The following TENM1 variants were observed in gnomAD, a reference collection of about 807,000 sequenced individuals.
TENM1 encodes teneurin transmembrane protein 1, also known as teneurin-1.
In TENM1, 35 loss-of-function variants were observed where a neutral mutation model predicts 174.8. The observed-to-expected ratio is 0.20, with a 90% CI of 0.15 to 0.27. The LOEUF is 0.27. TENM1 is among the 10% of genes least tolerant of loss of function. The pLI is 1.00. For synonymous variants in TENM1, 781 were observed against 798.7 expected (o/e 0.98, Z 0.37); for missense variants, 1,633 against 2,130.1 (o/e 0.77, Z 4.59).
intron 1 of TENM1, among the ~76,000 whole-genome samples, chrX:124,941,647 G>A (rs1324974435): frequency 1.8e-5 from 2 of 111,478 alleles, no homozygotes; most frequent in Admixed American, 9.5e-5. Flanking sequence ...GTGAAGTCAC[G>A]TTCAAAAGAG....
chrX:124,494,244 T>C lies in TENM1; in HGVS notation c.3695+2772A>G, dbSNP rs188257983. On this transcript the variant is annotated intron_variant, in intron 20 of 31. Coordinates refer to ENST00000422452, the Ensembl canonical transcript of TENM1. ...TGCTCTGTCAATGTCTATGCTCTTC[T>C]AGTCACTATATTTGATCACTATTTG... 2.2e-3 allele frequency among the ~76,000 whole-genome samples: 251 copies of C among 112,089 alleles called. 1 individual carries two copies. The highest frequency in any genetic ancestry group is 9.2e-3 in the Middle Eastern group (2 of 217).
intron 24 of TENM1, 91 bp downstream of exon 27, chrX:124,422,181 T>C: frequency 9.3e-7 from 1 of 1,080,850 alleles, no homozygotes; most frequent in Non-Finnish European, 1.2e-6. Context: ...AAGTAACACT[T>C]TGCTTTTCCT....
At chrX:125,200,650 T>TGAGAGA in the TENM1 span, among the ~76,000 whole-genome samples, 115 of 53,904 alleles carry the variant, frequency 2.1e-3, no homozygotes, top group East Asian at 4.2e-3. Flanking sequence ...TGTGTGTGTG[T>TGAGAGA]GTGTGAGAGA....
intron 22 of TENM1, among the ~76,000 whole-genome samples, chrX:124,457,215 C>T (rs919877199): frequency 8.9e-6 from 1 of 111,819 alleles, no homozygotes; most frequent in African/African-American, 3.2e-5. Context: ...GCTTGGAGCA[C>T]ATTTTTACAT....
intron 11 of TENM1, among the ~76,000 whole-genome samples, chrX:124,619,746 A>G (rs1012448137): frequency 8.9e-6 from 1 of 112,009 alleles, no homozygotes; most frequent in Non-Finnish European, 1.9e-5. Flanking sequence ...TTAAATTTTT[A>G]TTTCCCCGAT....
chrX:124,561,583 C>A, intron 14 of TENM1, 88 bp downstream of exon 17: 1 of 1,075,107 alleles, frequency 9.3e-7, no homozygotes, highest in Non-Finnish European at 1.3e-6. Context: ...CTAGAGATTC[C>A]TAATTTTCAC....
chrX:124,756,971 C>T (rs1280186399), intron 3 of TENM1, among the ~76,000 whole-genome samples: 1 of 112,182 alleles, frequency 8.9e-6, no homozygotes. Context: ...GGCAGTCTGC[C>T]CGTTCTCAGA....
At position 124,751,761 on chromosome X, in the gene TENM1, G is replaced by A. The variant is rs908742885; in HGVS notation, c.536-14564C>T. Among the ~76,000 whole-genome samples, 39 of 104,906 alleles carry A rather than the reference G, an allele frequency of 3.7e-4. 1 individual carries two copies. The highest frequency in any genetic ancestry group is 1.1e-3 in the African/African-American group (33 of 28,878). The allele number at this position is 104,906 out of a possible 115,157, so 91.1% of individuals were successfully genotyped here. A position where few individuals can be genotyped will look rare whatever the true frequency, so the allele number is the denominator to read the frequency against. ...GCGGTGTTTGGTTTTTTGTCCTTGCGATAGTTTACTGAGAATGATGATTTC... is the reference window on the plus strand; with the variant it reads ...GCGGTGTTTGGTTTTTTGTCCTTGCAATAGTTTACTGAGAATGATGATTTC... On this transcript the variant is annotated intron_variant, in intron 3 of 31. Transcript: ENST00000422452.
intron 27 of TENM1, among the ~76,000 whole-genome samples, chrX:124,396,217 C>CCA (rs754352013): frequency 1.8e-4 from 20 of 110,727 alleles, no homozygotes; most frequent in Non-Finnish European, 3.4e-4. Context: ...ACTGAAGATG[C>CCA]CACAGGTTCC....
chrX:124,886,622 T>C (rs1168543921), intron 3 of TENM1, among the ~76,000 whole-genome samples: 6 of 98,993 alleles, frequency 6.1e-5, no homozygotes, highest in African/African-American at 2.2e-4. Flanking sequence ...TTTTACCACT[T>C]AAAAATGTAA....
intron 3 of TENM1, among the ~76,000 whole-genome samples, chrX:124,761,784 T>C (rs1439874615): frequency 3.6e-5 from 4 of 111,862 alleles, no homozygotes; most frequent in Admixed American, 1.9e-4. Flanking sequence ...TCTTTCCACG[T>C]ATGTACATAC....
At chrX:124,562,349 A>T (rs751299018) in intron 13 of TENM1, among the ~76,000 whole-genome samples, 4 of 112,128 alleles carry the variant, frequency 3.6e-5, no homozygotes, top group Non-Finnish European at 7.5e-5. Context: ...AATGTGCTGT[A>T]GTTGCTTTAT....
At chrX:124,738,390 G>A (rs1325050616) in intron 3 of TENM1, among the ~76,000 whole-genome samples, 1 of 111,813 alleles carries the variant, frequency 8.9e-6, no homozygotes, top group South Asian at 3.7e-4. Context: ...AAAGACATTG[G>A]CATGGTTTTT....
chrX:124,644,517 C>T (rs1323412904), intron 10 of TENM1, among the ~76,000 whole-genome samples: 1 of 109,776 alleles, frequency 9.1e-6, no homozygotes, highest in Non-Finnish European at 1.9e-5. Context: ...ACTTATTTTC[C>T]AGTGCGTCTC....
the TENM1 span, among the ~76,000 whole-genome samples, chrX:124,973,046 G>C: frequency 1.2e-4 from 13 of 112,166 alleles, 1 homozygote; most frequent in Admixed American, 1.1e-3. Flanking sequence ...TAGAAGGTAG[G>C]AAAGCAAGAA....
intron 12 of TENM1, among the ~76,000 whole-genome samples, chrX:124,563,978 G>T (rs976776517): frequency 8.9e-6 from 1 of 112,003 alleles, no homozygotes; most frequent in Non-Finnish European, 1.9e-5. Flanking sequence ...TGGCATTTCT[G>T]CAAGAAACTC....
At chrX:124,845,858 G>C (rs1569462777) in intron 3 of TENM1, among the ~76,000 whole-genome samples, 1 of 110,088 alleles carries the variant, frequency 9.1e-6, no homozygotes. Context: ...AGGGAGAAGA[G>C]AGGAGAGTAC....
At chrX:125,017,551 T>A in the TENM1 span, among the ~76,000 whole-genome samples, 1 of 111,824 alleles carries the variant, frequency 8.9e-6, no homozygotes. Flanking sequence ...TAATTCATTG[T>A]ACTATAATGA....
At chrX:124,819,952 C>T (rs968441067) in intron 3 of TENM1, among the ~76,000 whole-genome samples, 1 of 109,516 alleles carries the variant, frequency 9.1e-6, no homozygotes, top group African/African-American at 3.3e-5. Context: ...TGTACCATCA[C>T]GCCAGGCTAA....
Sources: gnomAD v4.1 joint callset for allele counts (sites outside exome capture counted in the v4.1 genomes callset) on GRCh38, gnomAD v4.1.1 for gene constraint, MANE v1.5 for transcripts, NCBI Gene and HGNC (gene_info 2026-07-23, HGNC 2026-07-21) for gene names.